OCA2: variants seen among roughly 807,000 people sequenced by gnomAD.
OCA2 encodes OCA2 melanosomal transmembrane protein, also known as P protein.
OCA2 carries 77 observed loss-of-function variants against 100.2 expected under a neutral mutation model. That is an observed-to-expected ratio of 0.77 (90% CI 0.64 to 0.93). The LOEUF (loss-of-function observed/expected upper bound fraction) is 0.93. OCA2 is among the 40% of genes least tolerant of loss of function. The probability of loss-of-function intolerance (pLI) is 0.00; values close to 1 mark genes in which losing one functional copy is unlikely to be tolerated. For synonymous variants in OCA2, 432 were observed against 439.2 expected, an observed-to-expected ratio of 0.98 and a Z score of 0.21; for missense variants, 1,062 against 1,089.1, an observed-to-expected ratio of 0.98 and a Z score of 0.35.
chr15:27,917,496 A>G (rs1391676363), intron 19 of OCA2, among the ~76,000 whole-genome samples: 1 of 152,146 alleles, frequency 6.6e-6, no homozygotes, highest in East Asian at 1.9e-4. Flanking sequence ...TCCTTCCTGG[A>G]CTGGTGCGCA....
At chr15:27,791,584 T>C (rs530923827) in intron 23 of OCA2, among the ~76,000 whole-genome samples, 1 of 152,348 alleles carries the variant, frequency 6.6e-6, no homozygotes, top group African/African-American at 2.4e-5. Context: ...CTGCTATGTA[T>C]GTGGCTACGG....
rs761984580 is a variant in OCA2, at chr15:28,016,083, CCTCA to C, written c.890+17_890+20del. On this transcript the variant is annotated intron_variant, in intron 8 of 23. Transcript: ENST00000354638. ...GTGTCCCAGAGAGCCTGCCCCAACA[CCTCA>C]CTCACTGAGAACTCACCTGGTCAGT... 3.1e-6 allele frequency: 5 copies of C among 1,603,324 alleles called. No individual in the cohort carries two copies. Among genetic ancestry groups the C allele is most frequent in the East Asian group, 2.2e-5 (1 of 44,810 alleles).
At chr15:27,826,628 C>G (rs1456618836) in intron 23 of OCA2, among the ~76,000 whole-genome samples, 2 of 152,222 alleles carry the variant, frequency 1.3e-5, no homozygotes, top group Admixed American at 1.3e-4. Flanking sequence ...GATCCAGATT[C>G]TTCAGGCCCA....
In OCA2 at chr15:27,778,814, G is replaced by A. The variant is rs74007367; in HGVS notation, c.2433-23342C>T. 7.0e-3 allele frequency among the ~76,000 whole-genome samples: 1,067 copies of A among 152,304 alleles called. 20 individuals carry two copies. Among genetic ancestry groups the A allele is most frequent in the African/African-American group, 0.025 (1,023 of 41,562 alleles). On this transcript the variant is annotated intron_variant, in intron 23 of 23. Transcript: ENST00000354638. ...TTGGAAAAAAGATTAGACTTTCTAC[G>A]TTGATAGAAAGTTATAAATTAGGCT...
In OCA2 at chr15:27,930,215, G is replaced by A. The variant is rs117430229; in HGVS notation, c.1952-3961C>T. Among the ~76,000 whole-genome samples the A allele has an allele frequency of 8.5e-5, 13 of 152,222 alleles. No homozygotes were observed. The East Asian group carries it at 2.5e-3, about 29-fold the overall frequency. The stretch of plus-strand genomic sequence containing the variant: ...TGTTTGCTGTAGTCTTAGTTTTGAT[G>A]GTCAAGAACTGGAAACAATTCAAAT... On this transcript the variant is annotated intron_variant, in intron 18 of 23. Coordinates refer to ENST00000354638, the MANE Select transcript of OCA2 (RefSeq NM_000275.3).
intron 18 of OCA2, chr15:27,950,560 G>A (rs1234102337): frequency 1.9e-6 from 1 of 517,856 alleles, no homozygotes; most frequent in Non-Finnish European, 3.9e-6. Context: ...CCAAGCCCAG[G>A]CCACCTGGCA....
At chr15:27,747,379 T>C in the OCA2 span, among the ~76,000 whole-genome samples, 1 of 152,244 alleles carries the variant, frequency 6.6e-6, no homozygotes, top group Non-Finnish European at 1.5e-5. Flanking sequence ...TTTGAAAAAG[T>C]AAGAAGCCGC....
chr15:27,983,535 G>A, intron 13 of OCA2, 52 bp from the exon 14 acceptor site: 5 of 1,598,768 alleles, frequency 3.1e-6, no homozygotes, highest in Non-Finnish European at 4.3e-6. Context: ...CATCGTGAAA[G>A]GCCCACATGC....
intron 19 of OCA2, among the ~76,000 whole-genome samples, chr15:27,925,899 C>CA (rs773674229): frequency 4.0e-4 from 60 of 151,894 alleles, no homozygotes; most frequent in Non-Finnish European, 7.4e-4. Context: ...GTTTACAAAC[C>CA]ACAAAGATAA....
rs560380472 is a variant in OCA2, at chr15:28,002,197, G to T, written c.1045-11550C>A. On this transcript the variant is annotated intron_variant, in intron 9 of 23. Transcript: ENST00000354638. ...CACAGTAGCAAAACATGAAGTAGGG[G>T]TGTCCCCCGGGATACCAAGGAAGTC... 5.3e-5 allele frequency among the ~76,000 whole-genome samples: 8 copies of T among 152,330 alleles called. No individual in the cohort carries two copies. The South Asian group carries it at 8.3e-4, about 16-fold the overall frequency.
At chr15:28,057,285 A>G (rs899664787) in intron 2 of OCA2, among the ~76,000 whole-genome samples, 7 of 152,198 alleles carry the variant, frequency 4.6e-5, no homozygotes, top group African/African-American at 1.7e-4. Context: ...TTGATCCACA[A>G]GAACACCTGG....
intron 18 of OCA2, among the ~76,000 whole-genome samples, chr15:27,930,951 G>A (rs565732182): frequency 3.9e-5 from 6 of 152,244 alleles, no homozygotes; most frequent in East Asian, 3.9e-4. Flanking sequence ...AGCCAAACAC[G>A]TTGCACAAAC....
the OCA2 span, among the ~76,000 whole-genome samples, chr15:27,748,923 A>G: frequency 6.6e-6 from 1 of 152,178 alleles, no homozygotes; most frequent in Admixed American, 6.5e-5. Flanking sequence ...TCAGATCAAT[A>G]AAATTCATCC....
At chr15:27,854,036 G>A (rs1366305505) in intron 21 of OCA2, among the ~76,000 whole-genome samples, 2 of 152,348 alleles carry the variant, frequency 1.3e-5, no homozygotes, top group African/African-American at 4.8e-5. Flanking sequence ...CCTGACCGCT[G>A]CAGCAGGATT....
intron 18 of OCA2, among the ~76,000 whole-genome samples, chr15:27,929,083 C>A (rs1055020148): frequency 2.6e-5 from 4 of 152,172 alleles, no homozygotes; most frequent in Non-Finnish European, 4.4e-5. Flanking sequence ...TGTCTTCTTT[C>A]ATTTTTCCTA....
intron 23 of OCA2, among the ~76,000 whole-genome samples, chr15:27,761,520 T>C (rs2030841367): frequency 6.6e-6 from 1 of 151,666 alleles, no homozygotes; most frequent in Non-Finnish European, 1.5e-5. Flanking sequence ...TGTTCATTAA[T>C]GGAAGACTCA....
At chr15:28,068,709 T>C (rs1315200286) in intron 2 of OCA2, among the ~76,000 whole-genome samples, 2 of 152,122 alleles carry the variant, frequency 1.3e-5, no homozygotes, top group African/African-American at 2.4e-5. Flanking sequence ...TACTAGCAAA[T>C]AAAATCAAGT....
chr15:27,767,904 T>C (rs2031393845), intron 23 of OCA2, among the ~76,000 whole-genome samples: 1 of 152,088 alleles, frequency 6.6e-6, no homozygotes, highest in African/African-American at 2.4e-5. Flanking sequence ...AAACAAAAAC[T>C]CCTACTGGAG....
At chr15:28,073,132 C>T (rs892837666) in intron 2 of OCA2, among the ~76,000 whole-genome samples, 19 of 152,124 alleles carry the variant, frequency 1.2e-4, no homozygotes, top group Admixed American at 4.6e-4. Flanking sequence ...GAGTAAAATC[C>T]GCAGGGCACG....
Sources: gnomAD v4.1 joint callset for allele counts (sites outside exome capture counted in the v4.1 genomes callset) on GRCh38, gnomAD v4.1.1 for gene constraint, MANE v1.5 for transcripts, NCBI Gene and HGNC (gene_info 2026-07-23, HGNC 2026-07-21) for gene names.